Variants in VPS13D observed in about 807,000 individuals in gnomAD.
VPS13D encodes vacuolar protein sorting 13 homolog D, also known as intermembrane lipid transfer protein VPS13D.
VPS13D carries 187 observed loss-of-function variants against 461.9 expected under a neutral mutation model. That is an observed-to-expected ratio of 0.40 (90% confidence interval 0.36 to 0.46). The LOEUF is 0.46. Among genes scored for constraint, VPS13D ranks in the 20% least tolerant of loss-of-function variants. VPS13D has a pLI of 0.60. For synonymous variants in VPS13D, 1,951 were observed against 1,986.3 expected (o/e 0.98, Z 0.47); for missense variants, 4,711 against 5,364.9 (o/e 0.88, Z 3.81).
At chr1:12,404,457 A>G (rs544125342) in intron 63 of VPS13D, among the ~76,000 whole-genome samples, 2 of 152,290 alleles carry the variant, frequency 1.3e-5, no homozygotes, top group East Asian at 3.9e-4. Flanking sequence ...AGGAGTGTTT[A>G]AAGTCGACTC....
chr1:12,423,883 G>A (rs1005436980), intron 65 of VPS13D, among the ~76,000 whole-genome samples: 1 of 152,192 alleles, frequency 6.6e-6, no homozygotes, highest in African/African-American at 2.4e-5. Context: ...ACAAAACTAA[G>A]AGCAATGTTT....
At chr1:12,436,474 G>C (rs1035596349) in intron 65 of VPS13D, among the ~76,000 whole-genome samples, 1 of 152,128 alleles carries the variant, frequency 6.6e-6, no homozygotes, top group African/African-American at 2.4e-5. Flanking sequence ...TGAGGAGCTG[G>C]CCTAGTGGGG....
At chr1:12,471,613 A>G (rs930390036) in intron 67 of VPS13D, among the ~76,000 whole-genome samples, 1 of 152,208 alleles carries the variant, frequency 6.6e-6, no homozygotes, top group Non-Finnish European at 1.5e-5. Flanking sequence ...GTTGTTATAC[A>G]TACATGTTTC....
At chr1:12,454,399 T>C (rs765584246) in intron 65 of VPS13D, among the ~76,000 whole-genome samples, 8 of 152,022 alleles carry the variant, frequency 5.3e-5, no homozygotes, top group African/African-American at 9.7e-5. Context: ...TAATTTTCAT[T>C]AACTTTAATT....
intron 66 of VPS13D, 102 bp downstream of exon 66, chr1:12,456,232 G>C (rs140358707): frequency 0.015 from 22,317 of 1,445,330 alleles, 602 homozygotes; most frequent in Admixed American, 0.13. Flanking sequence ...GGCTGGGCGC[G>C]GTGGCTCATG....
intron 30 of VPS13D, among the ~76,000 whole-genome samples, chr1:12,317,011 C>T (rs1478606413): frequency 6.6e-6 from 1 of 150,580 alleles, no homozygotes; most frequent in African/African-American, 2.5e-5. Context: ...CACCCCCACC[C>T]CAACTCTACC....
chr1:12,411,431 A>G (rs927463732), intron 63 of VPS13D, among the ~76,000 whole-genome samples: 4 of 150,988 alleles, frequency 2.6e-5, no homozygotes, highest in African/African-American at 9.7e-5. Flanking sequence ...CCAGGAGTTC[A>G]GGGCCAGCCT....
In VPS13D at chr1:12,505,525, G is replaced by C. The variant is rs1028126290; in HGVS notation, c.12795-1328G>C. ...TTAAAATGGCAACTGGAACAAGGCA[G>C]TCACTTACTGAGCGCTGATGGGGTG... On this transcript the variant is annotated intron_variant, in intron 68 of 69. Transcript: ENST00000620676. The surrounding 1 kb of genome is among the most constrained non-coding windows in gnomAD (Gnocchi z 4.2). Among the ~76,000 whole-genome samples the C allele has an allele frequency of 2.0e-5, 3 of 152,220 alleles. No homozygotes were observed. Among genetic ancestry groups the C allele is most frequent in the African/African-American group, 7.2e-5 (3 of 41,460 alleles).
chr1:12,242,242 T>A (rs536651630), intron 2 of VPS13D, among the ~76,000 whole-genome samples: 6 of 152,186 alleles, frequency 3.9e-5, no homozygotes, highest in Non-Finnish European at 8.8e-5. Flanking sequence ...AGATGAAGCG[T>A]ATGGGCTGGT....
chr1:12,232,692 A>G (rs1640019392), intron 1 of VPS13D, among the ~76,000 whole-genome samples: 2 of 141,860 alleles, frequency 1.4e-5, no homozygotes, highest in Non-Finnish European at 3.0e-5. Flanking sequence ...AGTTATTATA[A>G]CAGGCAGTAG....
In VPS13D at chr1:12,318,043, A is replaced by G. The variant is rs766459381; in HGVS notation, c.7149-29A>G. 6 of 1,574,232 alleles carry G rather than the reference A, an allele frequency of 3.8e-6. No individual in the cohort carries two copies. In the African/African-American group the frequency reaches 5.5e-5, roughly 14 times the overall value. ...GAAATAACCATGTTTCTTTTTTCCT[A>G]TTTATTTTCTCCTGTCTTCTTTTTA... is the stretch of plus-strand genomic sequence containing the variant. On this transcript the variant is annotated intron_variant, in intron 30 of 69. Coordinates refer to ENST00000620676, the MANE Select transcript of VPS13D (RefSeq NM_015378.4).
chr1:12,437,514 AC>A (rs1428051379), intron 65 of VPS13D, among the ~76,000 whole-genome samples: 1 of 152,124 alleles, frequency 6.6e-6, no homozygotes, highest in Non-Finnish European at 1.5e-5. Flanking sequence ...CATTTTCTTT[AC>A]ACAAAGCTAA....
At chr1:12,417,947 C>A (rs932990263) in intron 65 of VPS13D, among the ~76,000 whole-genome samples, 10 of 152,024 alleles carry the variant, frequency 6.6e-5, no homozygotes, top group Admixed American at 6.6e-4. Context: ...TGGTCTGTCG[C>A]CCAGACTGGA....
rs772867878 is a variant in VPS13D at position 12,262,047 on chromosome 1, A to C, written c.1561A>C (p.Asn521His). Residue 521 changes from asparagine to histidine, a missense_variant, in exon 13 of 70, where the codon AAT becomes CAT. Coordinates refer to ENST00000620676, the MANE Select transcript of VPS13D (RefSeq NM_015378.4). ...CAAGGAGCAAGGAACTCCTCAAATGAATGAAAGTGCTTTCATGCAGCTCGA... is the reference window on the plus strand; with the variant it reads ...CAAGGAGCAAGGAACTCCTCAAATGCATGAAAGTGCTTTCATGCAGCTCGA... ...LHKEQGTPQM[N>H]ESAFMQLEFS... 2 of 1,612,910 alleles carry C rather than the reference A, an allele frequency of 1.2e-6. No individual in the cohort carries two copies. The highest frequency in any genetic ancestry group is 2.2e-5 in the South Asian group (2 of 90,870).
chr1:12,300,030 G>A (rs529868045), intron 25 of VPS13D, among the ~76,000 whole-genome samples: 247 of 150,408 alleles, frequency 1.6e-3, no homozygotes, highest in Non-Finnish European at 2.7e-3. Flanking sequence ...CCAACCCCCC[G>A]ACTCCGCTCT....
chr1:12,412,929 A>G (rs1644747364), intron 63 of VPS13D, among the ~76,000 whole-genome samples: 1 of 152,232 alleles, frequency 6.6e-6, no homozygotes, highest in Non-Finnish European at 1.5e-5. Flanking sequence ...TACAGAATAT[A>G]TAAGAACTCC....
intron 7 of VPS13D, among the ~76,000 whole-genome samples, chr1:12,254,203 C>T (rs1008807738): frequency 6.6e-6 from 1 of 152,098 alleles, no homozygotes; most frequent in East Asian, 1.9e-4. Flanking sequence ...TGTTTTCCAT[C>T]ATTTATTTAT....
At chr1:12,368,715 G>GT in intron 53 of VPS13D, 124 bp downstream of exon 53, 1 of 1,174,016 alleles carries the variant, frequency 8.5e-7, no homozygotes, top group Non-Finnish European at 1.1e-6. Context: ...ATATGGATAG[G>GT]TTCTTTATAT....
intron 30 of VPS13D, among the ~76,000 whole-genome samples, chr1:12,317,616 AC>A (rs1642924792): frequency 6.6e-6 from 1 of 151,970 alleles, no homozygotes; most frequent in South Asian, 2.1e-4. Flanking sequence ...GCAGTGGCCC[AC>A]ATCTGTAATC....
Sources: gnomAD v4.1 joint callset for allele counts (sites outside exome capture counted in the v4.1 genomes callset) on GRCh38, gnomAD v4.1.1 for gene constraint, Gnocchi (gnomAD v3.1) non-coding constraint, MANE v1.5 for transcripts, NCBI Gene and HGNC (gene_info 2026-07-23, HGNC 2026-07-21) for gene names.